The following MALRD1 variants were observed in gnomAD, a reference collection of about 807,000 sequenced individuals.
The protein encoded by MALRD1 is MAM and LDL-receptor class A domain-containing protein 1.
MALRD1 carries 247 observed loss-of-function variants against 242.1 expected under a neutral mutation model. The ratio of observed to expected loss-of-function variants is 1.02; its 90% CI spans 0.92 to 1.13. The LOEUF (loss-of-function observed/expected upper bound fraction) is 1.13, where lower values mean the gene tolerates loss of function less well. Ranked by LOEUF, MALRD1 falls within the 50% of genes most tolerant of loss-of-function variation. The pLI is 0.00. For missense variants in MALRD1, 2,989 were observed against 2,533.1 expected, an observed-to-expected ratio of 1.18 and a Z score of -3.86; for synonymous variants, 995 against 866.6, an observed-to-expected ratio of 1.15 and a Z score of -2.60.
chr10:19,692,432 T>A, intron 37 of MALRD1, 26 bp from the exon 38 acceptor site: 1 of 1,533,062 alleles, frequency 6.5e-7, no homozygotes, highest in Non-Finnish European at 8.7e-7. Context: ...TGCATATTTA[T>A]CTTTTTCTTT....
At chr10:19,237,497 T>A (rs1838373965) in intron 18 of MALRD1, among the ~76,000 whole-genome samples, 1 of 104,836 alleles carries the variant, frequency 9.5e-6, no homozygotes, top group African/African-American at 3.8e-5. Flanking sequence ...GAATAGTATT[T>A]CATTGTGTGT....
At chr10:19,629,129 A>G (rs1248008047) in intron 36 of MALRD1, among the ~76,000 whole-genome samples, 4 of 152,174 alleles carry the variant, frequency 2.6e-5, no homozygotes, top group Non-Finnish European at 5.9e-5. Flanking sequence ...ACCCCTTCCC[A>G]AAAAGCAAGC....
intron 27 of MALRD1, among the ~76,000 whole-genome samples, chr10:19,388,999 A>G (rs1411561302): frequency 6.6e-6 from 1 of 152,186 alleles, no homozygotes; most frequent in Non-Finnish European, 1.5e-5. Flanking sequence ...TGCAAGAACA[A>G]AACTGAATAC....
chr10:19,446,411 T>C (rs1337688896), intron 28 of MALRD1, among the ~76,000 whole-genome samples: 1 of 152,130 alleles, frequency 6.6e-6, no homozygotes, highest in Non-Finnish European at 1.5e-5. Context: ...AAGATGTCAA[T>C]TGGAAAAAAG....
At chr10:19,452,243 A>G (rs1375512582) in intron 29 of MALRD1, among the ~76,000 whole-genome samples, 2 of 152,218 alleles carry the variant, frequency 1.3e-5, no homozygotes, top group African/African-American at 4.8e-5. Flanking sequence ...GACAGAAGGA[A>G]ACTGAGAGTT....
intron 29 of MALRD1, among the ~76,000 whole-genome samples, chr10:19,478,138 A>G (rs577160675): frequency 6.6e-6 from 1 of 152,344 alleles, no homozygotes; most frequent in South Asian, 2.1e-4. Flanking sequence ...CTCCATCAAA[A>G]TAAATCAACT....
intron 18 of MALRD1, among the ~76,000 whole-genome samples, chr10:19,244,166 C>T (rs188079211): frequency 3.3e-5 from 5 of 152,310 alleles, no homozygotes; most frequent in South Asian, 2.1e-4. Context: ...TACCACATCA[C>T]ATCATGTTGT....
chr10:19,125,919 G>T (rs914408291), intron 7 of MALRD1, among the ~76,000 whole-genome samples: 3 of 151,996 alleles, frequency 2.0e-5, no homozygotes, highest in African/African-American at 7.2e-5. Context: ...TGCAAAGGTT[G>T]ACTCTTTAAT....
intron 29 of MALRD1, among the ~76,000 whole-genome samples, chr10:19,455,837 G>C (rs571480923): frequency 6.6e-6 from 1 of 152,190 alleles, no homozygotes; most frequent in Admixed American, 6.5e-5. Context: ...GGGCTGAAAT[G>C]TGTGCATTCC....
At chr10:19,663,241 T>G (rs900618759) in intron 36 of MALRD1, among the ~76,000 whole-genome samples, 13 of 152,148 alleles carry the variant, frequency 8.5e-5, no homozygotes, top group African/African-American at 2.9e-4. Context: ...GTGTACAAAT[T>G]ATTTAGCTCC....
chr10:19,234,932 T>G (rs1372105199), intron 18 of MALRD1, among the ~76,000 whole-genome samples: 2 of 152,076 alleles, frequency 1.3e-5, no homozygotes, highest in African/African-American at 4.8e-5. Flanking sequence ...GAGTGGGAAC[T>G]GGGAATTAAA....
chr10:19,178,417 G>T (rs1218723789), intron 14 of MALRD1, among the ~76,000 whole-genome samples: 2 of 152,172 alleles, frequency 1.3e-5, no homozygotes, highest in African/African-American at 4.8e-5. Flanking sequence ...ATGCTCCATT[G>T]ACAGTAAATT....
chr10:19,317,698 TGAATTAGAGTA>T (rs776678973), intron 21 of MALRD1, among the ~76,000 whole-genome samples: 19 of 152,110 alleles, frequency 1.2e-4, no homozygotes, highest in South Asian at 4.2e-4. Context: ...TCCTACTTAT[TGAATTAGAGTA>T]ACTACTCAGG....
intron 26 of MALRD1, among the ~76,000 whole-genome samples, chr10:19,370,731 C>T (rs1845335864): frequency 6.6e-6 from 1 of 151,970 alleles, no homozygotes; most frequent in Non-Finnish European, 1.5e-5. Context: ...GGACACACCA[C>T]CATCCTGGCT....
In MALRD1 at chr10:19,567,524, G is replaced by T; in HGVS notation, c.5501G>T (p.Gly1834Val). The change falls in exon 33 of 40, where the codon GGG becomes GTG. Residue 1834 changes from glycine to valine, a missense_variant. Gly to Val is a moderately radical substitution (Grantham distance 109, BLOSUM62 -3). Coordinates refer to ENST00000454679, the MANE Select transcript of MALRD1 (RefSeq NM_001142308.3). ...ILKVYTIEES[G>V]LNILVWSVIG... ...AAGGTGTATACCATTGAAGAATCGG[G>T]GCTAAACATCCTGGTGTGGTCAGTG... 6.5e-7 allele frequency: 1 copy of T among 1,550,298 alleles called. No homozygotes were observed. Among genetic ancestry groups the T allele is most frequent in the African/African-American group, 1.4e-5 (1 of 73,110 alleles).
intron 32 of MALRD1, among the ~76,000 whole-genome samples, chr10:19,535,992 A>G (rs1834656550): frequency 6.6e-6 from 1 of 152,220 alleles, no homozygotes; most frequent in Admixed American, 6.5e-5. Context: ...ATAGGAATGC[A>G]TTCTCAAAAG....
chr10:19,622,736 C>G (rs1839463094), intron 36 of MALRD1, among the ~76,000 whole-genome samples: 1 of 150,914 alleles, frequency 6.6e-6, no homozygotes, highest in Non-Finnish European at 1.5e-5. Flanking sequence ...CTCAGTAGTA[C>G]TGAACCTACC....
intron 33 of MALRD1, among the ~76,000 whole-genome samples, chr10:19,593,382 C>T (rs1032119076): frequency 4.6e-5 from 7 of 152,180 alleles, no homozygotes; most frequent in African/African-American, 1.4e-4. Flanking sequence ...GATACATCTT[C>T]ACTATTGGTT....
chr10:19,577,080 T>C (rs1009976085), intron 33 of MALRD1, among the ~76,000 whole-genome samples: 20 of 151,968 alleles, frequency 1.3e-4, no homozygotes, highest in Admixed American at 1.1e-3. Flanking sequence ...GTATGTATTG[T>C]ATGTAATATA....
Sources: gnomAD v4.1 joint callset for allele counts (sites outside exome capture counted in the v4.1 genomes callset) on GRCh38, gnomAD v4.1.1 for gene constraint, MANE v1.5 for transcripts, NCBI Gene and HGNC (gene_info 2026-07-23, HGNC 2026-07-21) for gene names.